Variants in DKK2 observed in about 807,000 individuals in gnomAD.
DKK2 encodes the protein dickkopf-related protein 2.
DKK2 carries 11 observed loss-of-function variants against 28.1 expected under a neutral mutation model. The ratio of observed to expected loss-of-function variants is 0.39; its 90% confidence interval spans 0.25 to 0.65. DKK2 has a LOEUF of 0.65. DKK2 is among the 30% of genes least tolerant of loss of function. The pLI, the probability that DKK2 is intolerant of heterozygous loss-of-function variation, is 0.47. For synonymous variants in DKK2, 135 were observed against 126.5 expected (o/e 1.07, Z -0.45); for missense variants, 326 against 335.5 (o/e 0.97, Z 0.22).
chr4:107,005,789 T>C (rs1723430153), intron 1 of DKK2, among the ~76,000 whole-genome samples: 1 of 152,232 alleles, frequency 6.6e-6, no homozygotes, highest in South Asian at 2.1e-4. Context: ...AGATAAACTA[T>C]ATTATGACCA....
At chr4:106,972,880 TC>T (rs1414952326) in intron 1 of DKK2, among the ~76,000 whole-genome samples, 1 of 152,078 alleles carries the variant, frequency 6.6e-6, no homozygotes, top group Non-Finnish European at 1.5e-5. Flanking sequence ...CTAATGCTAT[TC>T]CTCTCTGACC....
intron 1 of DKK2, among the ~76,000 whole-genome samples, chr4:107,004,169 T>C (rs546228062): frequency 6.6e-6 from 1 of 152,312 alleles, no homozygotes. Flanking sequence ...GAACTGGCTA[T>C]ATGAATATGC....
rs1477730416 is a variant in DKK2 at position 106,924,193 on chromosome 4, C to T, written c.541G>A (p.Asp181Asn). 1.2e-5 allele frequency: 20 copies of T among 1,613,774 alleles called. No homozygotes were observed. Among genetic ancestry groups the T allele is most frequent in the Non-Finnish European group, 1.7e-5 (20 of 1,179,904 alleles). Residue 181 changes from aspartate (D) to asparagine (N), a missense_variant, in exon 4 of 4, where the codon GAC becomes AAC. By Grantham distance (23) the Asp-to-Asn change is conservative. Transcript: ENST00000285311. The stretch of plus-strand genomic sequence containing the variant: ...CAGTCTGATGATCGTAGGCAGGGGT[C>T]TCCTTCATGCCCTGCAGAGATGATG... ...KMSHIKGHEG[D>N]PCLRSSDCIE...
At chr4:107,010,041 CTTCATAGCCTTATATTAGCTGTTTTTT>C (rs1384244172) in intron 1 of DKK2, among the ~76,000 whole-genome samples, 1 of 151,774 alleles carries the variant, frequency 6.6e-6, no homozygotes, top group African/African-American at 2.4e-5. Flanking sequence ...TTTACCATCA[CTTCATAGCCTTATATTAGCTGTTTTTT>C]ACACTTAAAA....
chr4:107,027,398 A>G (rs1723801609), intron 1 of DKK2, among the ~76,000 whole-genome samples: 1 of 151,766 alleles, frequency 6.6e-6, no homozygotes, highest in African/African-American at 2.4e-5. Context: ...AATGTGTTTC[A>G]CTCTTGATTT....
Position 106,943,577 on chromosome 4 carries a change from T to C in DKK2, c.223-17628A>G, listed in dbSNP as rs1724733209. Among the ~76,000 whole-genome samples, 3 of 152,200 alleles carry C rather than the reference T, an allele frequency of 2.0e-5. No homozygotes were observed. The South Asian group carries it at 6.2e-4, about 31-fold the overall frequency. On this transcript the variant is annotated intron_variant, in intron 1 of 3. Transcript: ENST00000285311. ...CCTATACAGTATAGAGGGAAGAGTA[T>C]TATATGTATTTGAGAAGAAAGAACA...
At chr4:106,936,055 G>A (rs1232203703) in intron 1 of DKK2, among the ~76,000 whole-genome samples, 2 of 152,096 alleles carry the variant, frequency 1.3e-5, no homozygotes, top group African/African-American at 2.4e-5. Context: ...AAATAGCAGA[G>A]CACCTCTCCT....
intron 1 of DKK2, among the ~76,000 whole-genome samples, chr4:106,987,427 C>A (rs917481604): frequency 6.6e-6 from 1 of 152,138 alleles, no homozygotes; most frequent in Non-Finnish European, 1.5e-5. Flanking sequence ...TGTCTAACAC[C>A]CACGTCCCTT....
chr4:107,005,872 C>A (rs1031480077), intron 1 of DKK2, among the ~76,000 whole-genome samples: 1 of 152,202 alleles, frequency 6.6e-6, no homozygotes, highest in Admixed American at 6.5e-5. Context: ...TCAGCCTCAT[C>A]TAATAAACTT....
At chr4:106,930,904 A>G (rs1430730576) in intron 1 of DKK2, among the ~76,000 whole-genome samples, 2 of 152,188 alleles carry the variant, frequency 1.3e-5, no homozygotes, top group Non-Finnish European at 2.9e-5. Context: ...GGGAAACCTG[A>G]TCGGACTGGC....
rs375331625 is a variant in DKK2 at position 107,010,807 on chromosome 4, G to T, written c.222+24563C>A. ...CCCCAAAGTGCTTTTGTTTATATTTGTTGTATCTATCAATAGTTACCATAT... is the reference window on the plus strand; with the variant it reads ...CCCCAAAGTGCTTTTGTTTATATTTTTTGTATCTATCAATAGTTACCATAT... On this transcript the variant is annotated intron_variant, in intron 1 of 3. Coordinates refer to ENST00000285311, the MANE Select transcript of DKK2 (RefSeq NM_014421.3). 3.1e-4 allele frequency among the ~76,000 whole-genome samples: 47 copies of T among 150,896 alleles called. 1 individual carries two copies. The South Asian group carries it at 9.1e-3, about 29-fold the overall frequency.
At chr4:107,031,390 T>C (rs577054617) in intron 1 of DKK2, among the ~76,000 whole-genome samples, 44 of 152,118 alleles carry the variant, frequency 2.9e-4, no homozygotes, top group Admixed American at 1.4e-3. Flanking sequence ...CATGAATGTT[T>C]GTGCATACAG....
intron 1 of DKK2, among the ~76,000 whole-genome samples, chr4:106,970,981 C>G (rs1722860875): frequency 6.6e-6 from 1 of 152,090 alleles, no homozygotes; most frequent in Admixed American, 6.6e-5. Context: ...AAGTTTTAAA[C>G]TTTTAAAATA....
At chr4:106,966,426 C>G (rs1722781959) in intron 1 of DKK2, among the ~76,000 whole-genome samples, 1 of 152,080 alleles carries the variant, frequency 6.6e-6, no homozygotes, top group Non-Finnish European at 1.5e-5. Context: ...AATATGCAAC[C>G]ACTCTCCATC....
chr4:107,005,450 A>T (rs905322860), intron 1 of DKK2, among the ~76,000 whole-genome samples: 4 of 152,038 alleles, frequency 2.6e-5, no homozygotes, highest in Admixed American at 6.5e-5. Flanking sequence ...AAAAAATATA[A>T]TTTTTTTAAA....
At chr4:106,933,451 T>C (rs543010025) in intron 1 of DKK2, among the ~76,000 whole-genome samples, 6 of 152,206 alleles carry the variant, frequency 3.9e-5, no homozygotes, top group Non-Finnish European at 7.3e-5. Context: ...TCTACAACTG[T>C]ATGAAAAAGT....
At chr4:106,940,801 CCTT>C (rs1276813918) in intron 1 of DKK2, among the ~76,000 whole-genome samples, 1 of 152,158 alleles carries the variant, frequency 6.6e-6, no homozygotes. Context: ...GGGTTCATGT[CCTT>C]TGTAAGGACA....
chr4:107,024,708 G>A (rs968099930), intron 1 of DKK2, among the ~76,000 whole-genome samples: 1 of 152,144 alleles, frequency 6.6e-6, no homozygotes. Flanking sequence ...AAGAGATGGA[G>A]AAAGGATTTA....
intron 1 of DKK2, among the ~76,000 whole-genome samples, chr4:106,968,280 C>T (rs1337268956): frequency 1.3e-5 from 2 of 152,086 alleles, no homozygotes; most frequent in African/African-American, 2.4e-5. Flanking sequence ...ATCAATTCCC[C>T]ATCTACTACC....
Sources: gnomAD v4.1 joint callset for allele counts (sites outside exome capture counted in the v4.1 genomes callset) on GRCh38, gnomAD v4.1.1 for gene constraint, MANE v1.5 for transcripts, NCBI Gene and HGNC (gene_info 2026-07-23, HGNC 2026-07-21) for gene names.